The following SNX24 variants were observed in gnomAD, a reference collection of about 807,000 sequenced individuals.
The protein encoded by SNX24 is sorting nexin 24, also known as sorting nexin-24.
In SNX24, 22 loss-of-function variants were observed where a neutral mutation model predicts 28.7. That is an observed-to-expected ratio of 0.77 (90% CI 0.55 to 1.10). The LOEUF (loss-of-function observed/expected upper bound fraction) is 1.10, where lower values mean the gene tolerates loss of function less well. Among genes scored for constraint, SNX24 ranks in the 50% least tolerant of loss-of-function variants. SNX24 has a pLI of 0.00. For missense variants in SNX24, 221 were observed against 201.1 expected, an observed-to-expected ratio of 1.10 and a Z score of -0.60; for synonymous variants, 69 against 71.5, an observed-to-expected ratio of 0.96 and a Z score of 0.18.
intron 1 of SNX24, among the ~76,000 whole-genome samples, chr5:122,915,213 T>TCCATCATCACTCTCCCTCC (rs1300951465): frequency 1.3e-5 from 2 of 152,174 alleles, no homozygotes; most frequent in Non-Finnish European, 2.9e-5. Context: ...CATCTCCATC[T>TCCATCATCACTCTCCCTCC]CCATCATCAC....
chr5:122,898,282 A>G (rs185731769), intron 1 of SNX24, among the ~76,000 whole-genome samples: 1 of 152,388 alleles, frequency 6.6e-6, no homozygotes, highest in East Asian at 1.9e-4. Context: ...GATACACGTA[A>G]TAAAAATGAA....
At chr5:123,028,755 G>GA in intron 5 of SNX24, 1 of 1,591,108 alleles carries the variant, frequency 6.3e-7, no homozygotes, top group Non-Finnish European at 8.6e-7. Context: ...AATGGGAAAG[G>GA]AAAAATGCAA....
At chr5:122,876,711 A>T (rs1213727251) in intron 1 of SNX24, among the ~76,000 whole-genome samples, 4 of 152,164 alleles carry the variant, frequency 2.6e-5, no homozygotes, top group African/African-American at 9.7e-5. Context: ...GCCCTATGGT[A>T]ATAGCTTGTT....
At chr5:122,976,996 C>A (rs952805652) in intron 3 of SNX24, among the ~76,000 whole-genome samples, 1 of 151,958 alleles carries the variant, frequency 6.6e-6, no homozygotes, top group African/African-American at 2.4e-5. Flanking sequence ...TTCTTATCCA[C>A]ATTACCATTC....
intron 3 of SNX24, among the ~76,000 whole-genome samples, chr5:122,981,009 G>A (rs1462833051): frequency 7.2e-5 from 11 of 152,006 alleles, no homozygotes; most frequent in African/African-American, 9.7e-5. Flanking sequence ...AGATGATATC[G>A]TGGGGAATAT....
intron 1 of SNX24, among the ~76,000 whole-genome samples, chr5:122,894,831 T>C (rs747607720): frequency 6.6e-6 from 1 of 152,182 alleles, no homozygotes. Context: ...CACATTCTCA[T>C]AGAAGTGGGG....
chr5:123,024,053 G>T, intron 5 of SNX24: 1 of 1,578,694 alleles, frequency 6.3e-7, no homozygotes, highest in Non-Finnish European at 8.6e-7. Flanking sequence ...AGCAGCTATA[G>T]CAATCCAAAG....
chr5:122,993,910 C>T (rs1285884234), intron 3 of SNX24, among the ~76,000 whole-genome samples: 2 of 152,186 alleles, frequency 1.3e-5, no homozygotes, highest in African/African-American at 4.8e-5. Context: ...ACATTTCAAA[C>T]CAAACTAGAT....
chr5:122,978,746 T>C (rs568265422), intron 3 of SNX24, among the ~76,000 whole-genome samples: 2 of 152,164 alleles, frequency 1.3e-5, no homozygotes, highest in Non-Finnish European at 2.9e-5. Flanking sequence ...CCACAGCAGT[T>C]TGTTTTTAGA....
chr5:122,938,177 C>T (rs1389092360), intron 2 of SNX24, among the ~76,000 whole-genome samples: 2 of 152,150 alleles, frequency 1.3e-5, no homozygotes, highest in African/African-American at 2.4e-5. Context: ...TAAGCCTGCC[C>T]AGAGCACGAG....
chr5:122,939,093 TTGAC>T (rs1407628191), intron 2 of SNX24, among the ~76,000 whole-genome samples: 1 of 152,236 alleles, frequency 6.6e-6, no homozygotes, highest in Non-Finnish European at 1.5e-5. Flanking sequence ...GTACTCAGGC[TTGAC>T]TGACTGCTGC....
chr5:122,866,087 A>T (rs192084450), intron 1 of SNX24, among the ~76,000 whole-genome samples: 1 of 152,362 alleles, frequency 6.6e-6, no homozygotes, highest in African/African-American at 2.4e-5. Context: ...ATAAGGAGGA[A>T]ATACTCATGA....
In SNX24 at chr5:122,946,064, T is replaced by C. The variant is rs1759670305; in HGVS notation, c.154T>C (p.Cys52Arg). 1.3e-6 allele frequency: 2 copies of C among 1,567,910 alleles called. No homozygotes were observed. The highest frequency in any genetic ancestry group is 1.7e-6 in the Non-Finnish European group (2 of 1,145,562). The change falls in exon 3 of 7, where the codon TGT (cysteine) becomes CGT (arginine). Residue 52 changes from cysteine (C) to arginine (R), a missense_variant. Coordinates refer to ENST00000261369, the MANE Select transcript of SNX24 (RefSeq NM_014035.4). ...TATTCTGTCTTTATAGCTTAAGAAA[T>C]GTATAAAAACTCCAGAAATCCCTTC... is the stretch of plus-strand genomic sequence containing the variant. ...FHALHKKLKK[C>R]IKTPEIPSKH...
chr5:122,979,601 C>T (rs903893166), intron 3 of SNX24, among the ~76,000 whole-genome samples: 1 of 152,186 alleles, frequency 6.6e-6, no homozygotes, highest in Non-Finnish European at 1.5e-5. Context: ...AAAGAAAGAA[C>T]ATTTGTGGTC....
chr5:122,920,697 A>G (rs933337776), intron 1 of SNX24, among the ~76,000 whole-genome samples: 3 of 152,168 alleles, frequency 2.0e-5, no homozygotes, highest in Admixed American at 1.3e-4. Context: ...TGATTTTCCT[A>G]TCTGTGTGGC....
intron 1 of SNX24, among the ~76,000 whole-genome samples, chr5:122,906,859 G>A (rs1158857753): frequency 6.6e-6 from 1 of 152,138 alleles, no homozygotes; most frequent in East Asian, 1.9e-4. Context: ...CAGAAGTGAA[G>A]TAACTTGTTG....
At chr5:122,975,668 A>T (rs1482963024) in intron 3 of SNX24, among the ~76,000 whole-genome samples, 1 of 152,198 alleles carries the variant, frequency 6.6e-6, no homozygotes, top group Non-Finnish European at 1.5e-5. Flanking sequence ...AATCATTAGG[A>T]GGAAGACAAT....
intron 3 of SNX24, among the ~76,000 whole-genome samples, chr5:122,956,894 TGTTGA>T (rs1020561235): frequency 2.6e-5 from 4 of 152,184 alleles, no homozygotes; most frequent in Non-Finnish European, 5.9e-5. Flanking sequence ...TTTTTTTCAT[TGTTGA>T]GTTTTAAGAG....
intron 1 of SNX24, among the ~76,000 whole-genome samples, chr5:122,854,515 C>CAAAAAAAAA: frequency 8.2e-6 from 1 of 121,414 alleles, no homozygotes; most frequent in Non-Finnish European, 1.7e-5. Context: ...CTCAAAAAAA[C>CAAAAAAAAA]AAAAAAAAAA....
Sources: allele counts gnomAD v4.1 joint callset (sites outside exome capture counted in the v4.1 genomes callset), GRCh38; gene constraint gnomAD v4.1.1; transcripts MANE v1.5; gene names NCBI Gene and HGNC (gene_info 2026-07-23, HGNC 2026-07-21).